Variants in KAZN observed in about 807,000 individuals in gnomAD.
KAZN encodes the protein kazrin, periplakin interacting protein.
Under a neutral mutation model 87.4 loss-of-function variants are expected in KAZN, and 40 were observed. The ratio of observed to expected loss-of-function variants is 0.46; its 90% CI spans 0.36 to 0.60. KAZN has a LOEUF of 0.60. Ranked by LOEUF, KAZN falls within the 20% of genes least tolerant of loss-of-function variation. The probability of loss-of-function intolerance (pLI) is 0.00; values close to 1 mark genes in which losing one functional copy is unlikely to be tolerated. For synonymous variants in KAZN, 466 were observed against 458.3 expected, an observed-to-expected ratio of 1.02 and a Z score of -0.22; for missense variants, 898 against 1,073.9, an observed-to-expected ratio of 0.84 and a Z score of 2.29.
intron 2 of KAZN, among the ~76,000 whole-genome samples, chr1:14,472,534 T>C (rs766907237): frequency 7.9e-5 from 12 of 152,176 alleles, no homozygotes; most frequent in African/African-American, 9.7e-5. Flanking sequence ...ACAAGTCACA[T>C]GGCCACCCCA....
intron 2 of KAZN, among the ~76,000 whole-genome samples, chr1:14,533,878 A>C (rs1012978751): frequency 6.6e-6 from 1 of 152,204 alleles, no homozygotes; most frequent in Non-Finnish European, 1.5e-5. Context: ...CACATACAAG[A>C]GTCAGGGTTA....
chr1:14,883,932 G>T (rs1470180780), intron 1 of KAZN, among the ~76,000 whole-genome samples: 1 of 152,140 alleles, frequency 6.6e-6, no homozygotes, highest in African/African-American at 2.4e-5. Context: ...GAAGAGAGAG[G>T]CAGGCAAGAA....
At chr1:14,143,150 C>T (rs1570854739) in intron 1 of KAZN, among the ~76,000 whole-genome samples, 1 of 152,268 alleles carries the variant, frequency 6.6e-6, no homozygotes, top group Admixed American at 6.5e-5. Context: ...CTTGGAACGA[C>T]GGTTCCTAAT....
chr1:14,907,380 C>A (rs1220516899), intron 1 of KAZN, among the ~76,000 whole-genome samples: 1 of 146,584 alleles, frequency 6.8e-6, no homozygotes, highest in Non-Finnish European at 1.5e-5. Context: ...CCAGCCTGAG[C>A]AACAGAGTGA....
chr1:13,930,959 G>C (rs898937501), intron 1 of KAZN, among the ~76,000 whole-genome samples: 4 of 152,148 alleles, frequency 2.6e-5, no homozygotes, highest in African/African-American at 9.7e-5. Context: ...TGTGGGTCCT[G>C]GCTCTATACC....
At chr1:14,787,637 CCT>C (rs142075836) in intron 1 of KAZN, among the ~76,000 whole-genome samples, 1,708 of 152,290 alleles carry the variant, frequency 0.011, 35 homozygotes, top group African/African-American at 0.039. Context: ...CTTTGTCGAG[CCT>C]CTGCCTTGTA....
At position 14,017,779 on chromosome 1, in the gene KAZN, GT is replaced by G. The variant is rs373016768; in HGVS notation, c.91+124026del. On this transcript the variant is annotated intron_variant, in intron 1 of 16. Transcript: ENST00000636203. ...AGAAAAGACCGTGCGTTGGAATTCT[GT>G]TTCCGCTTGTGGAGCTACCACAAAG... Among the ~76,000 whole-genome samples, 10 of 152,336 alleles carry G rather than the reference GT, an allele frequency of 6.6e-5. No individual in the cohort carries two copies. In the East Asian group the frequency reaches 1.9e-3, roughly 29 times the overall value.
intron 2 of KAZN, among the ~76,000 whole-genome samples, chr1:14,989,703 G>A (rs1667166568): frequency 6.6e-6 from 1 of 152,152 alleles, no homozygotes; most frequent in African/African-American, 2.4e-5. Flanking sequence ...GCCTGGGATT[G>A]ACTAAGATCA....
intron 1 of KAZN, among the ~76,000 whole-genome samples, chr1:14,619,937 G>A (rs544743447): frequency 2.9e-4 from 44 of 152,196 alleles, no homozygotes; most frequent in African/African-American, 1.0e-3. Context: ...TTCATTTATT[G>A]ATGGGCACGT....
intron 2 of KAZN, among the ~76,000 whole-genome samples, chr1:14,458,783 T>C (rs569186120): frequency 1.3e-5 from 2 of 152,334 alleles, no homozygotes; most frequent in South Asian, 2.1e-4. Context: ...TCCGTGCCCA[T>C]GATGGGATAT....
intron 2 of KAZN, among the ~76,000 whole-genome samples, chr1:14,270,865 C>T (rs1651866422): frequency 6.6e-6 from 1 of 152,224 alleles, no homozygotes; most frequent in East Asian, 1.9e-4. Context: ...TTACCCCTTC[C>T]ATCCTCACTT....
intron 1 of KAZN, among the ~76,000 whole-genome samples, chr1:13,936,537 C>T (rs1425781137): frequency 2.0e-5 from 3 of 152,156 alleles, no homozygotes. Flanking sequence ...ACTCTTCCAC[C>T]TTTTGGAGTC....
At chr1:14,991,950 T>A (rs1667403242) in intron 2 of KAZN, among the ~76,000 whole-genome samples, 1 of 152,220 alleles carries the variant, frequency 6.6e-6, no homozygotes, top group Admixed American at 6.5e-5. Context: ...CCCTCGGTGC[T>A]TTCTCTGATG....
intron 2 of KAZN, among the ~76,000 whole-genome samples, chr1:14,419,419 A>C (rs1366974427): frequency 6.6e-6 from 1 of 151,936 alleles, no homozygotes; most frequent in Non-Finnish European, 1.5e-5. Context: ...TTCCCTTGTC[A>C]CAGAACATGA....
Position 14,797,409 on chromosome 1 carries a change from T to A in KAZN, c.227-163275T>A, listed in dbSNP as rs560710946. The stretch of plus-strand genomic sequence containing the variant: ...TATGTTTTGTCCAAGAAGCGCTAAC[T>A]GGAGACTCTAGCAGTGGGAACCTGG... On this transcript the variant is annotated intron_variant, in intron 1 of 14. Coordinates refer to ENST00000376030, the MANE Select transcript of KAZN (RefSeq NM_201628.3). Among the ~76,000 whole-genome samples, 31 of 152,234 alleles carry A rather than the reference T, an allele frequency of 2.0e-4. No homozygotes were observed. The South Asian group carries it at 5.4e-3, about 26-fold the overall frequency.
At chr1:14,362,658 G>A (rs981218364) in intron 2 of KAZN, among the ~76,000 whole-genome samples, 1 of 152,178 alleles carries the variant, frequency 6.6e-6, no homozygotes, top group Non-Finnish European at 1.5e-5. Flanking sequence ...TATAAAGACT[G>A]TGTAGCTTAA....
intron 1 of KAZN, among the ~76,000 whole-genome samples, chr1:13,962,867 C>T (rs939624674): frequency 1.3e-5 from 2 of 152,138 alleles, no homozygotes; most frequent in African/African-American, 4.8e-5. Context: ...CTATCCTACC[C>T]ATGCTCTAGA....
At chr1:14,101,291 G>A (rs1049800548) in intron 1 of KAZN, among the ~76,000 whole-genome samples, 4 of 152,036 alleles carry the variant, frequency 2.6e-5, no homozygotes, top group Admixed American at 1.3e-4. Context: ...TTATGTGCAC[G>A]GCATCATAAT....
At position 14,102,612 on chromosome 1, in the gene KAZN, C is replaced by T. The variant is rs182585782; in HGVS notation, c.92-77823C>T. Among the ~76,000 whole-genome samples, 210 of 152,284 alleles carry T rather than the reference C, an allele frequency of 1.4e-3. 1 individual carries two copies. In the Middle Eastern group the frequency reaches 0.02, roughly 15 times the overall value. The stretch of plus-strand genomic sequence containing the variant: ...CATTTCACAGTCCCTTTTTGCAGCT[C>T]CATTTCCATGTTTTGGGGGATTATC... On this transcript the variant is annotated intron_variant, in intron 1 of 16. Transcript: ENST00000636203.
Sources: allele counts gnomAD v4.1 joint callset (sites outside exome capture counted in the v4.1 genomes callset), GRCh38; gene constraint gnomAD v4.1.1; transcripts MANE v1.5; gene names NCBI Gene and HGNC (gene_info 2026-07-23, HGNC 2026-07-21).